DDX46: variants seen among roughly 807,000 people sequenced by gnomAD.
DDX46 encodes DEAD-box helicase 46.
A neutral mutation model predicts 134.9 loss-of-function variants in DDX46; 30 were observed. The observed-to-expected ratio is 0.22, with a 90% CI of 0.17 to 0.30. The LOEUF is 0.30. Among genes scored for constraint, DDX46 ranks in the 10% least tolerant of loss-of-function variants. DDX46 has a pLI of 1.00. For missense variants in DDX46, 622 were observed against 1,248.7 expected (o/e 0.50, Z 7.56); for synonymous variants, 415 against 404.1 (o/e 1.03, Z -0.32).
intron 4 of DDX46, among the ~76,000 whole-genome samples, chr5:134,773,411 A>C (rs1482547986): frequency 6.6e-6 from 1 of 152,244 alleles, no homozygotes; most frequent in Non-Finnish European, 1.5e-5. Flanking sequence ...TTATGTGTGC[A>C]TAATGCTTGT....
intron 3 of DDX46, among the ~76,000 whole-genome samples, chr5:134,769,546 T>G (rs1753693915): frequency 6.7e-6 from 1 of 149,878 alleles, no homozygotes; most frequent in African/African-American, 2.4e-5. Context: ...TGTTTGTTTT[T>G]TTTTTTTTTT....
chr5:134,796,287 T>A, intron 15 of DDX46, 137 bp downstream of exon 15: 1 of 911,322 alleles, frequency 1.1e-6, no homozygotes, highest in Admixed American at 3.0e-5. Flanking sequence ...TAAAGTGCTT[T>A]GTGGGAGTAA....
At chr5:134,762,456 C>G (rs747610597) in intron 1 of DDX46, among the ~76,000 whole-genome samples, 1 of 151,832 alleles carries the variant, frequency 6.6e-6, no homozygotes, top group Non-Finnish European at 1.5e-5. Flanking sequence ...AGGCTGCATG[C>G]GGTGGCTCAT....
intron 15 of DDX46, among the ~76,000 whole-genome samples, chr5:134,804,564 G>A (rs1418953736): frequency 6.6e-6 from 1 of 152,030 alleles, no homozygotes; most frequent in Non-Finnish European, 1.5e-5. Context: ...TCAGCCACCC[G>A]AGGAGTTGGG....
At chr5:134,795,913 TA>T (rs1754641881) in intron 14 of DDX46, 74 bp from the exon 15 acceptor site, 7 of 1,339,374 alleles carry the variant, frequency 5.2e-6, no homozygotes, top group Non-Finnish European at 7.3e-6. Context: ...TCACTACAAA[TA>T]AAATGAATAT....
chr5:134,789,400 A>G (rs1754437526), intron 12 of DDX46: 1 of 152,174 alleles, frequency 6.6e-6, no homozygotes, highest in Non-Finnish European at 1.5e-5. Context: ...AGAGGTTTCC[A>G]TTGCAATATT....
intron 19 of DDX46, chr5:134,816,845 G>T: frequency 2.2e-6 from 1 of 456,840 alleles, no homozygotes; most frequent in South Asian, 2.7e-5. Context: ...AGTTTTATAG[G>T]GTAGTATTCT....
At chr5:134,762,742 T>TAAATA (rs952986063) in intron 1 of DDX46, among the ~76,000 whole-genome samples, 1 of 146,156 alleles carries the variant, frequency 6.8e-6, no homozygotes, top group Admixed American at 6.9e-5. Flanking sequence ...TCAAAAAAAA[T>TAAATA]AAATAAAATA....
intron 6 of DDX46, chr5:134,780,907 G>A: frequency 6.7e-6 from 2 of 299,252 alleles, no homozygotes; most frequent in South Asian, 4.7e-5. Context: ...ACATGTGCTT[G>A]TAGTCCTAGC....
intron 19 of DDX46, 120 bp downstream of exon 19, chr5:134,816,726 T>A: frequency 2.0e-6 from 2 of 1,014,828 alleles, no homozygotes; most frequent in Non-Finnish European, 2.8e-6. Context: ...TGTGAGAATT[T>A]AACATTCTCA....
intron 21 of DDX46, among the ~76,000 whole-genome samples, chr5:134,821,327 C>G (rs1021621206): frequency 1.3e-5 from 2 of 151,884 alleles, no homozygotes; most frequent in African/African-American, 4.8e-5. Flanking sequence ...CAGGCGTGAG[C>G]CACTGCGCCC....
At position 134,801,091 on chromosome 5, in the gene DDX46, C is replaced by G. The variant is rs540004589; in HGVS notation, c.1954+4941C>G. Among the ~76,000 whole-genome samples the G allele has an allele frequency of 2.6e-5, 4 of 152,192 alleles. No individual in the cohort carries two copies. In the East Asian group the frequency reaches 7.8e-4, roughly 30 times the overall value. The stretch of plus-strand genomic sequence containing the variant: ...TTGAGTCTGGGAGTTTGAGACCAGT[C>G]TGGGCAGCATAGCAAGACCCCATCT... On this transcript the variant is annotated intron_variant, in intron 15 of 22. Coordinates refer to ENST00000452510, the MANE Select transcript of DDX46 (RefSeq NM_001300860.2).
intron 18 of DDX46, 121 bp downstream of exon 18, chr5:134,811,966 A>G: frequency 3.0e-6 from 4 of 1,315,412 alleles, no homozygotes; most frequent in Non-Finnish European, 4.0e-6. Context: ...GGTTGGTTCC[A>G]GAACAGTTTT....
rs758137545 is a variant in DDX46 at position 134,770,937 on chromosome 5, A to G, written c.385A>G (p.Ser129Gly). Reference sequence around the variant, plus strand: ...CAAAGAGAAAACTGATGGTGGGGAAAGTTCTAAAGAGAAGAAAAAAGACAA... The same window carrying G: ...CAAAGAGAAAACTGATGGTGGGGAAGGTTCTAAAGAGAAGAAAAAAGACAA... The part of the protein sequence containing the change: ...RSKEKTDGGE[S>G]SKEKKKDKDD... The change falls in exon 4 of 23, where the codon AGT becomes GGT. Residue 129 changes from serine to glycine, a missense_variant. Physicochemically the swap from Ser to Gly is moderately conservative, Grantham distance 56. This residue lies in a region of DDX46 where 244 missense variants were observed against 349.3 expected (regional missense o/e 0.70). Transcript: ENST00000452510. 5 of 1,584,886 alleles carry G rather than the reference A, an allele frequency of 3.2e-6. No homozygotes were observed. Among genetic ancestry groups the G allele is most frequent in the Non-Finnish European group, 4.3e-6 (5 of 1,167,352 alleles).
chr5:134,792,594 T>C (rs1754536325), intron 13 of DDX46, among the ~76,000 whole-genome samples: 1 of 152,114 alleles, frequency 6.6e-6, no homozygotes, highest in Admixed American at 6.6e-5. Context: ...TTTAAGTAGA[T>C]AGAGTGATTG....
intron 22 of DDX46, 126 bp downstream of exon 22, chr5:134,827,146 C>G: frequency 1.2e-6 from 1 of 853,944 alleles, no homozygotes; most frequent in East Asian, 2.8e-5. Flanking sequence ...AATAAGCATA[C>G]CAGTGTAGTC....
intron 6 of DDX46, among the ~76,000 whole-genome samples, chr5:134,778,875 CATTTT>C (rs1363437668): frequency 6.6e-6 from 1 of 150,894 alleles, no homozygotes; most frequent in Non-Finnish European, 1.5e-5. Flanking sequence ...TGCCCAGCCT[CATTTT>C]ATTTTATTTT....
rs1468963855 is a variant in DDX46, at chr5:134,777,866, C to T, written c.765+141C>T. On this transcript the variant is annotated intron_variant, in intron 6 of 22. Coordinates refer to ENST00000452510, the MANE Select transcript of DDX46 (RefSeq NM_001300860.2). ...CATCTGAGAGATGGCAGTACTTTTT[C>T]TGAGTACCAGAGATACTGGTAAATT... 5.0e-6 allele frequency: 5 copies of T among 994,646 alleles called. No homozygotes were observed. The African/African-American group carries it at 8.3e-5, about 16-fold the overall frequency. The allele number at this position is 994,646 out of a possible 1,614,324, so 61.6% of individuals were successfully genotyped here.
In DDX46 at chr5:134,783,004, A is replaced by G; in HGVS notation, c.1105A>G (p.Lys369Glu). Residue 369 changes from lysine (K) to glutamate (E), a missense_variant, in exon 9 of 23, where the codon AAA (lysine) becomes GAA (glutamate). Lys to Glu is a moderately conservative substitution (Grantham distance 56, BLOSUM62 1). This residue lies in a region of DDX46 where 63 missense variants were observed against 84.0 expected (regional missense o/e 0.75). Coordinates refer to ENST00000452510, the MANE Select transcript of DDX46 (RefSeq NM_001300860.2). ...TACAGTTAAAGGAAAAGGTTGCCCCAAACCAATTAAATCCTGGGTCCAGTG... is the reference window on the plus strand; with the variant it reads ...TACAGTTAAAGGAAAAGGTTGCCCCGAACCAATTAAATCCTGGGTCCAGTG... ...GITVKGKGCP[K>E]PIKSWVQCGI... 6.2e-7 allele frequency: 1 copy of G among 1,613,940 alleles called. No homozygotes were observed. The highest frequency in any genetic ancestry group is 8.5e-7 in the Non-Finnish European group (1 of 1,179,870).
Sources: gnomAD v4.1 joint callset for allele counts (sites outside exome capture counted in the v4.1 genomes callset) on GRCh38, gnomAD v4.1.1 for gene constraint, gnomAD v4.1.1 regional missense constraint, MANE v1.5 for transcripts, NCBI Gene and HGNC (gene_info 2026-07-23, HGNC 2026-07-21) for gene names.